Variants in USH2A observed in about 807,000 individuals in gnomAD.
USH2A encodes Usher syndrome 2A (autosomal recessive, mild).
Under a neutral mutation model 538.9 loss-of-function variants are expected in USH2A, and 443 were observed. That is an observed-to-expected ratio of 0.82 (90% CI 0.76 to 0.89). USH2A has a LOEUF of 0.89. USH2A is among the 40% of genes least tolerant of loss of function. USH2A has a pLI of 0.00. For missense variants in USH2A, 6,633 were observed against 6,324.8 expected (o/e 1.05, Z -1.65); for synonymous variants, 2,413 against 2,273.5 (o/e 1.06, Z -1.75).
chr1:216,356,600 T>C (rs1466347216), intron 4 of USH2A, among the ~76,000 whole-genome samples: 1 of 152,090 alleles, frequency 6.6e-6, no homozygotes, highest in Non-Finnish European at 1.5e-5. Context: ...GTTTGTTTCA[T>C]GTAATAACAC....
chr1:216,348,275 A>C (rs2038216425), intron 4 of USH2A, among the ~76,000 whole-genome samples: 1 of 152,146 alleles, frequency 6.6e-6, no homozygotes, highest in Non-Finnish European at 1.5e-5. Context: ...TATTTTACCA[A>C]GACTTTCACT....
At chr1:216,196,344 C>T (rs373712706) in intron 19 of USH2A, among the ~76,000 whole-genome samples, 1 of 151,842 alleles carries the variant, frequency 6.6e-6, no homozygotes, top group Non-Finnish European at 1.5e-5. Flanking sequence ...ATAAATTATA[C>T]CAACTTAGTT....
rs1193321638 is a variant in USH2A at position 216,198,389 on chromosome 1, T to C, written c.4007A>G (p.Glu1336Gly). Residue 1336 changes from glutamate to glycine, a missense_variant, in exon 18 of 72, where the codon GAG becomes GGG. Glu to Gly is a moderately conservative substitution (Grantham distance 98). Transcript: ENST00000307340. ...CATATTCACAGCTAAGACTCTGAAC[T>C]CATACTTGGTGTATGGCTCCAAGCC... ...ITGLEPYTKY[E>G]FRVLAVNMAG... is the part of the protein sequence containing the mutation. The C allele has an allele frequency of 7.4e-6, 12 of 1,614,046 alleles. No homozygotes were observed. Among genetic ancestry groups the C allele is most frequent in the Non-Finnish European group, 1.0e-5 (12 of 1,179,962 alleles).
intron 32 of USH2A, among the ~76,000 whole-genome samples, chr1:216,025,505 CAT>C (rs2102505680): frequency 1.3e-5 from 2 of 152,048 alleles, no homozygotes; most frequent in African/African-American, 4.8e-5. Context: ...TTTAAAGTCA[CAT>C]ATTTATTTAT....
intron 12 of USH2A, among the ~76,000 whole-genome samples, chr1:216,250,016 A>G (rs1402345073): frequency 6.6e-6 from 1 of 152,086 alleles, no homozygotes; most frequent in Non-Finnish European, 1.5e-5. Flanking sequence ...TCTTTTTTAA[A>G]CTTCCTATAG....
chr1:215,969,518 C>T (rs1391410401), intron 36 of USH2A, among the ~76,000 whole-genome samples: 2 of 151,872 alleles, frequency 1.3e-5, no homozygotes, highest in Non-Finnish European at 2.9e-5. Flanking sequence ...AAATTTCAAT[C>T]TCATGTGACG....
At chr1:216,319,832 G>T (rs1022335370) in intron 9 of USH2A, among the ~76,000 whole-genome samples, 8 of 152,148 alleles carry the variant, frequency 5.3e-5, no homozygotes, top group Non-Finnish European at 8.8e-5. Context: ...AATGGAATTT[G>T]CCAAAACCTT....
chr1:216,039,295 A>G (rs1227960683), intron 32 of USH2A, among the ~76,000 whole-genome samples: 3 of 151,990 alleles, frequency 2.0e-5, no homozygotes, highest in Non-Finnish European at 4.4e-5. Context: ...TTGGCTTTGA[A>G]GGCTCTACTT....
chr1:216,157,143 T>C (rs2033964017), intron 21 of USH2A, among the ~76,000 whole-genome samples: 7 of 152,120 alleles, frequency 4.6e-5, no homozygotes, highest in Admixed American at 4.6e-4. Context: ...AAGTGCTGGA[T>C]TACAGGTGTG....
At chr1:216,166,507 G>A (rs1274264934) in intron 21 of USH2A, among the ~76,000 whole-genome samples, 1 of 152,158 alleles carries the variant, frequency 6.6e-6, no homozygotes, top group Non-Finnish European at 1.5e-5. Context: ...AGAACAGCCT[G>A]GAGAAGATTG....
At chr1:216,170,502 A>G in intron 21 of USH2A, among the ~76,000 whole-genome samples, 1 of 152,112 alleles carries the variant, frequency 6.6e-6, no homozygotes, top group East Asian at 1.9e-4. Context: ...TCATCTCCCC[A>G]GTGGTTTGCT....
intron 61 of USH2A, among the ~76,000 whole-genome samples, chr1:215,685,276 C>T (rs553000130): frequency 1.3e-5 from 2 of 151,856 alleles, no homozygotes; most frequent in South Asian, 2.1e-4. Context: ...CCTTTAAGTT[C>T]CCCAAAAGTT....
At chr1:216,248,542 A>G (rs993359603) in intron 12 of USH2A, among the ~76,000 whole-genome samples, 4 of 152,016 alleles carry the variant, frequency 2.6e-5, no homozygotes, top group African/African-American at 7.2e-5. Context: ...TACATAATAT[A>G]TATGTATATA....
intron 58 of USH2A, among the ~76,000 whole-genome samples, chr1:215,756,740 A>G (rs1431886540): frequency 6.6e-6 from 1 of 152,080 alleles, no homozygotes; most frequent in Non-Finnish European, 1.5e-5. Flanking sequence ...CCTGGCCAGC[A>G]TGGTGAAGCC....
intron 30 of USH2A, among the ~76,000 whole-genome samples, chr1:216,059,327 A>G (rs1211197641): frequency 6.6e-6 from 1 of 152,198 alleles, no homozygotes; most frequent in Non-Finnish European, 1.5e-5. Flanking sequence ...CCCATAAAGT[A>G]TAGTACATTT....
intron 56 of USH2A, among the ~76,000 whole-genome samples, chr1:215,762,653 A>G (rs1661011745): frequency 6.6e-6 from 1 of 152,164 alleles, no homozygotes; most frequent in Non-Finnish European, 1.5e-5. Flanking sequence ...GAGTAAGACA[A>G]TCTTTGGTGA....
chr1:215,737,472 T>C (rs1307847652), intron 60 of USH2A, among the ~76,000 whole-genome samples: 1 of 151,994 alleles, frequency 6.6e-6, no homozygotes, highest in African/African-American at 2.4e-5. Context: ...ATGAATATTC[T>C]AGACACAGAA....
intron 67 of USH2A, among the ~76,000 whole-genome samples, chr1:215,644,838 C>CA (rs1656796492): frequency 6.6e-6 from 1 of 152,116 alleles, no homozygotes; most frequent in Non-Finnish European, 1.5e-5. Context: ...GTTTTGCTGT[C>CA]AGAGAGAGTA....
intron 26 of USH2A, among the ~76,000 whole-genome samples, chr1:216,081,923 T>G (rs2031959882): frequency 6.6e-6 from 1 of 151,200 alleles, no homozygotes; most frequent in Admixed American, 6.6e-5. Flanking sequence ...TTTTTTTTAG[T>G]AAGAGTTACT....
Sources: allele counts gnomAD v4.1 joint callset (sites outside exome capture counted in the v4.1 genomes callset), GRCh38; gene constraint gnomAD v4.1.1; transcripts MANE v1.5; gene names NCBI Gene and HGNC (gene_info 2026-07-23, HGNC 2026-07-21).